PTCHD4: variants seen among roughly 807,000 people sequenced by gnomAD.
PTCHD4 encodes patched domain-containing protein 4.
In PTCHD4, 33 loss-of-function variants were observed where a neutral mutation model predicts 58.1. That is an observed-to-expected ratio of 0.57 (90% CI 0.43 to 0.76). The LOEUF is 0.76. PTCHD4 is among the 30% of genes least tolerant of loss of function. The pLI, the probability that PTCHD4 is intolerant of heterozygous loss-of-function variation, is 0.00. For missense variants in PTCHD4, 1,058 were observed against 1,027.1 expected, an observed-to-expected ratio of 1.03 and a Z score of -0.41; for synonymous variants, 478 against 409.6, an observed-to-expected ratio of 1.17 and a Z score of -2.02.
chr6:48,094,416 G>A (rs1417004307), intron 1 of PTCHD4, among the ~76,000 whole-genome samples: 1 of 152,150 alleles, frequency 6.6e-6, no homozygotes, highest in East Asian at 1.9e-4. Context: ...GAAGAAAGAG[G>A]ATACAGGGTT....
At chr6:47,954,282 G>C (rs577663976) in intron 4 of PTCHD4, among the ~76,000 whole-genome samples, 139 of 152,274 alleles carry the variant, frequency 9.1e-4, no homozygotes, top group African/African-American at 3.2e-3. Context: ...ACTTGAACTT[G>C]GGAGGTGGGG....
intron 4 of PTCHD4, among the ~76,000 whole-genome samples, chr6:47,937,416 A>G (rs1766043965): frequency 6.6e-6 from 1 of 152,210 alleles, no homozygotes; most frequent in African/African-American, 2.4e-5. Context: ...TGTGAAGGAA[A>G]GAGAGCTGGT....
At chr6:47,953,190 T>C (rs2113951389) in intron 4 of PTCHD4, among the ~76,000 whole-genome samples, 1 of 152,128 alleles carries the variant, frequency 6.6e-6, no homozygotes, top group Admixed American at 6.5e-5. Flanking sequence ...TATGACAATT[T>C]TGACACTTGT....
chr6:48,040,793 G>C (rs1763817615), intron 3 of PTCHD4, among the ~76,000 whole-genome samples: 1 of 151,948 alleles, frequency 6.6e-6, no homozygotes, highest in Non-Finnish European at 1.5e-5. Flanking sequence ...ATAATGGATG[G>C]AGTTAAGACT....
At chr6:48,094,858 A>G (rs1210477033) in intron 1 of PTCHD4, among the ~76,000 whole-genome samples, 3 of 152,372 alleles carry the variant, frequency 2.0e-5, no homozygotes, top group East Asian at 3.9e-4. Flanking sequence ...AGAATATATG[A>G]GTCTCAAAAT....
At chr6:47,887,045 A>G (rs1236991169) in intron 4 of PTCHD4, among the ~76,000 whole-genome samples, 2 of 152,094 alleles carry the variant, frequency 1.3e-5, no homozygotes, top group African/African-American at 4.8e-5. Flanking sequence ...TTGTATATTA[A>G]TTATTGGCTT....
At chr6:47,958,714 G>A (rs1766965778) in intron 4 of PTCHD4, among the ~76,000 whole-genome samples, 1 of 152,194 alleles carries the variant, frequency 6.6e-6, no homozygotes, top group Non-Finnish European at 1.5e-5. Flanking sequence ...GCACATGTGT[G>A]AGAAAACTAC....
At chr6:47,933,974 C>A (rs1765915389) in intron 4 of PTCHD4, among the ~76,000 whole-genome samples, 1 of 152,144 alleles carries the variant, frequency 6.6e-6, no homozygotes, top group Non-Finnish European at 1.5e-5. Context: ...CAGATGTTAT[C>A]TCTATACTAT....
intron 3 of PTCHD4, among the ~76,000 whole-genome samples, chr6:48,049,957 A>G (rs531640905): frequency 1.3e-5 from 2 of 152,008 alleles, no homozygotes; most frequent in South Asian, 2.1e-4. Flanking sequence ...AACTACATCA[A>G]ATATGTTTCT....
At chr6:48,103,669 T>G (rs2113915227) in intron 1 of PTCHD4, among the ~76,000 whole-genome samples, 1 of 151,814 alleles carries the variant, frequency 6.6e-6, no homozygotes, top group Middle Eastern at 3.4e-3. Flanking sequence ...AGGAGGAAGT[T>G]CTAACCAATG....
chr6:47,933,750 A>T (rs535194888), intron 4 of PTCHD4, among the ~76,000 whole-genome samples: 3 of 152,192 alleles, frequency 2.0e-5, no homozygotes, highest in Non-Finnish European at 2.9e-5. Flanking sequence ...TTCATTTATG[A>T]TAGAAAAATG....
At chr6:48,000,447 C>T (rs1315271948) in intron 4 of PTCHD4, among the ~76,000 whole-genome samples, 1 of 152,124 alleles carries the variant, frequency 6.6e-6, no homozygotes, top group Non-Finnish European at 1.5e-5. Flanking sequence ...CATGTTTACT[C>T]ATTTCTTTTT....
At chr6:48,032,452 G>C (rs1763481458) in intron 3 of PTCHD4, among the ~76,000 whole-genome samples, 2 of 151,890 alleles carry the variant, frequency 1.3e-5, no homozygotes, top group African/African-American at 4.8e-5. Flanking sequence ...GTATGTGTGT[G>C]TGTGTGTGTT....
At chr6:48,031,906 T>C (rs910742158) in intron 3 of PTCHD4, among the ~76,000 whole-genome samples, 1 of 152,134 alleles carries the variant, frequency 6.6e-6, no homozygotes, top group Admixed American at 6.6e-5. Context: ...TAGTTTTCAG[T>C]CGGAATATGT....
At chr6:48,034,103 G>T (rs995521874) in intron 3 of PTCHD4, among the ~76,000 whole-genome samples, 6 of 152,172 alleles carry the variant, frequency 3.9e-5, no homozygotes, top group African/African-American at 1.4e-4. Context: ...ATCCCTTAAA[G>T]AATTATGGCC....
intron 4 of PTCHD4, among the ~76,000 whole-genome samples, chr6:47,925,696 T>G (rs1002574422): frequency 6.6e-6 from 1 of 152,234 alleles, no homozygotes; most frequent in African/African-American, 2.4e-5. Context: ...ACTTTCTTTG[T>G]TGGCTTGCTT....
chr6:47,906,533 G>A (rs1225862238), intron 4 of PTCHD4, among the ~76,000 whole-genome samples: 1 of 152,160 alleles, frequency 6.6e-6, no homozygotes, highest in African/African-American at 2.4e-5. Flanking sequence ...TTAAAGCCAA[G>A]TGTTTGGAAC....
rs2114054130 is a variant in PTCHD4, at chr6:47,859,492, A to C, written c.*18811T>G. The stretch of plus-strand genomic sequence containing the variant: ...GATACATCTAATATATTTGCAACTG[A>C]AACACTTGAAGCTTTCAAGGTCTAC... On this transcript the variant is annotated 3_prime_UTR_variant, in exon 5 of 5. Transcript: ENST00000339488. Among the ~76,000 whole-genome samples the C allele has an allele frequency of 6.6e-6, 1 of 152,086 alleles. No homozygotes were observed. Among genetic ancestry groups the C allele is most frequent in the South Asian group, 2.1e-4 (1 of 4,820 alleles).
At chr6:47,910,711 A>G (rs1056798663) in intron 4 of PTCHD4, among the ~76,000 whole-genome samples, 1 of 151,998 alleles carries the variant, frequency 6.6e-6, no homozygotes, top group African/African-American at 2.4e-5. Flanking sequence ...CTAAATATCC[A>G]TTGTTCCAAG....
Sources: gnomAD v4.1 joint callset for allele counts (sites outside exome capture counted in the v4.1 genomes callset) on GRCh38, gnomAD v4.1.1 for gene constraint, MANE v1.5 for transcripts, NCBI Gene and HGNC (gene_info 2026-07-23, HGNC 2026-07-21) for gene names.